Variants in PAH observed in about 807,000 individuals in gnomAD.
The protein encoded by PAH is phenylalanine hydroxylase.
Under a neutral mutation model 62.0 loss-of-function variants are expected in PAH, and 64 were observed. The ratio of observed to expected loss-of-function variants is 1.03; its 90% CI spans 0.84 to 1.27. The LOEUF (loss-of-function observed/expected upper bound fraction) is 1.27, where lower values mean the gene tolerates loss of function less well. PAH is among the 50% of genes most tolerant of loss of function. The probability of loss-of-function intolerance (pLI) is 0.00; values close to 1 mark genes in which losing one functional copy is unlikely to be tolerated. For synonymous variants in PAH, 195 were observed against 196.2 expected (o/e 0.99, Z 0.05); for missense variants, 579 against 542.8 (o/e 1.07, Z -0.66).
Position 102,855,586 on chromosome 12 carries a change from G to A in PAH, c.510-254C>T, listed in dbSNP as rs115410641. Among the ~76,000 whole-genome samples the A allele has an allele frequency of 0.016, 2,453 of 152,168 alleles. 73 individuals are homozygous for A. The highest frequency in any genetic ancestry group is 0.055 in the African/African-American group (2,289 of 41,488). On this transcript the variant is annotated intron_variant, in intron 5 of 12. Transcript: ENST00000553106. ...ACAATGAGGATTTGCTCTCACTTTC[G>A]GGAAATCACTTGGTTTTTCTACTCT...
At chr12:102,887,758 G>T (rs75557289) in intron 3 of PAH, among the ~76,000 whole-genome samples, 5,078 of 152,214 alleles carry the variant, frequency 0.033, 104 homozygotes, top group African/African-American at 0.057. Context: ...CCATCTGGAA[G>T]GGTGTCAGAT....
At chr12:102,883,332 CTCAG>C (rs1294927351) in intron 3 of PAH, among the ~76,000 whole-genome samples, 1 of 152,168 alleles carries the variant, frequency 6.6e-6, no homozygotes, top group Non-Finnish European at 1.5e-5. Flanking sequence ...CCCCACAGAC[CTCAG>C]TCAGGGTGCA....
rs1203354348 is a variant in PAH, at chr12:102,894,859, C to T, written c.228G>A (p.Glu76=). The T allele has an allele frequency of 6.8e-6, 11 of 1,613,758 alleles. No homozygotes were observed. The highest frequency in any genetic ancestry group is 9.3e-6 in the Non-Finnish European group (11 of 1,179,770). ...ESRPSRLKKD[E]YEFFTHLDKR... ...TATCCAAATGGGTGAAAAATTCATA[C>T]TCATCTTTCTTTAAACGAGAAGGTC... The change falls in exon 3 of 13, where the codon GAG becomes GAA. Residue 76 remains glutamate, a synonymous_variant. Transcript: ENST00000553106.
intron 8 of PAH, among the ~76,000 whole-genome samples, chr12:102,850,108 T>G (rs1470064299): frequency 6.6e-6 from 1 of 152,204 alleles, no homozygotes; most frequent in Admixed American, 6.5e-5. Context: ...AATCTGATTG[T>G]TTTTTGGCCA....
chr12:102,879,056 A>C (rs937503065), intron 3 of PAH, among the ~76,000 whole-genome samples: 1 of 152,136 alleles, frequency 6.6e-6, no homozygotes. Context: ...TCCAATCAGC[A>C]TGCGGTCTGG....
At chr12:102,917,384 G>A (rs1878429956), upstream of PAH, 2 of 518,376 alleles carry the variant, frequency 3.9e-6, no homozygotes, top group South Asian at 2.0e-5. Flanking sequence ...GGGGCTGAGG[G>A]AGGGTGTGGG....
At position 102,937,171 on chromosome 12, in the gene PAH, T is replaced by C. The variant is rs536970312; in HGVS notation, c.-96+13418A>G. Among the ~76,000 whole-genome samples, 3 of 152,306 alleles carry C rather than the reference T, an allele frequency of 2.0e-5. No homozygotes were observed. The South Asian group carries it at 6.2e-4, about 32-fold the overall frequency. ...TGTGAGTCAATTAAATCTCTTTCCT[T>C]TGTAAATTACTCAGTCTCAAGCTTG... On this transcript the variant is annotated intron_variant, in intron 1 of 3. Transcript: ENST00000546844.
intron 5 of PAH, among the ~76,000 whole-genome samples, chr12:102,855,684 G>T (rs1433393718): frequency 6.6e-6 from 1 of 152,118 alleles, no homozygotes. Context: ...TCACAAAGCT[G>T]TAAAGTTGCA....
At chr12:102,845,163 C>G (rs1047161787) in intron 9 of PAH, among the ~76,000 whole-genome samples, 2 of 152,172 alleles carry the variant, frequency 1.3e-5, no homozygotes, top group Non-Finnish European at 2.9e-5. Context: ...GACCTGTGAT[C>G]ACGTCTCTGT....
At chr12:102,843,946 C>T (rs554043701) in intron 10 of PAH, among the ~76,000 whole-genome samples, 167 bp from the exon 11 acceptor site, 10 of 152,172 alleles carry the variant, frequency 6.6e-5, no homozygotes, top group Non-Finnish European at 1.3e-4. Flanking sequence ...AGGTTCTACC[C>T]TTCATAGCTC....
At chr12:102,952,252 G>C (rs993691808), upstream of PAH, among the ~76,000 whole-genome samples, 6 of 152,010 alleles carry the variant, frequency 3.9e-5, no homozygotes, top group African/African-American at 1.5e-4. Flanking sequence ...ACCTCTGTTT[G>C]AATACTGCCC....
chr12:102,927,800 A>AAAAC (rs919019966), intron 1 of PAH, among the ~76,000 whole-genome samples: 6 of 152,240 alleles, frequency 3.9e-5, no homozygotes, highest in African/African-American at 1.4e-4. Context: ...CCTATGCCAA[A>AAAAC]AAACAAACAA....
chr12:102,840,348 A>C, intron 12 of PAH, 52 bp downstream of exon 12: 1 of 1,042,606 alleles, frequency 9.6e-7, no homozygotes, highest in South Asian at 1.3e-5. Context: ...AGGGAAAGAC[A>C]GTCTTCGATT....
intron 11 of PAH, among the ~76,000 whole-genome samples, chr12:102,841,962 G>A (rs1359185169): frequency 6.6e-6 from 1 of 152,172 alleles, no homozygotes; most frequent in Admixed American, 6.5e-5. Flanking sequence ...GATGCTTTGA[G>A]GGAATCCAAA....
chr12:102,882,046 A>T (rs1300661743), intron 3 of PAH, among the ~76,000 whole-genome samples: 1 of 152,240 alleles, frequency 6.6e-6, no homozygotes, highest in East Asian at 1.9e-4. Context: ...GCTGTTTTCC[A>T]TAATGGCTGT....
rs538016808 is a variant in PAH, at chr12:102,870,784, C to T, written c.442-4121G>A. Among the ~76,000 whole-genome samples, 14 of 152,264 alleles carry T rather than the reference C, an allele frequency of 9.2e-5. No individual in the cohort carries two copies. In the South Asian group the frequency reaches 2.5e-3, roughly 27 times the overall value. On this transcript the variant is annotated intron_variant, in intron 4 of 12. Coordinates refer to ENST00000553106, the MANE Select transcript of PAH (RefSeq NM_000277.3). ...TGGCATTTATTAAGTAGCTGCCATT[C>T]CCATCCTATAGACATTGGTCAAGGA...
At chr12:102,874,655 A>G (rs1876486477) in intron 4 of PAH, among the ~76,000 whole-genome samples, 1 of 152,188 alleles carries the variant, frequency 6.6e-6, no homozygotes, top group African/African-American at 2.4e-5. Flanking sequence ...AAGATTTTGG[A>G]AAAAAAGAAA....
At chr12:102,866,512 C>T in intron 5 of PAH, 84 bp downstream of exon 5, 1 of 1,037,718 alleles carries the variant, frequency 9.6e-7, no homozygotes. Flanking sequence ...TGGTATTTTC[C>T]ATCCTCAACT....
chr12:102,917,420 C>G, upstream of PAH: 2 of 455,146 alleles, frequency 4.4e-6, no homozygotes. Flanking sequence ...CACTTCGCTG[C>G]CCGCCCTGGG....
Sources: allele counts gnomAD v4.1 joint callset (sites outside exome capture counted in the v4.1 genomes callset), GRCh38; gene constraint gnomAD v4.1.1; transcripts MANE v1.5; gene names NCBI Gene and HGNC (gene_info 2026-07-23, HGNC 2026-07-21).